CSMD2: variants seen among roughly 807,000 people sequenced by gnomAD.
The protein encoded by CSMD2 is CUB and Sushi multiple domains 2, also known as CUB and sushi domain-containing protein 2.
A neutral mutation model predicts 398.5 loss-of-function variants in CSMD2; 130 were observed. The observed-to-expected ratio is 0.33, with a 90% confidence interval of 0.28 to 0.38. The LOEUF (loss-of-function observed/expected upper bound fraction) is 0.38, where lower values mean the gene tolerates loss of function less well. Among genes scored for constraint, CSMD2 ranks in the 10% least tolerant of loss-of-function variants. CSMD2 has a pLI of 1.00. For synonymous variants in CSMD2, 1,828 were observed against 1,908.5 expected (o/e 0.96, Z 1.10); for missense variants, 3,829 against 4,764.9 (o/e 0.80, Z 5.78).
intron 44 of CSMD2, among the ~76,000 whole-genome samples, chr1:33,593,795 T>C (rs977816258): frequency 2.6e-5 from 4 of 151,894 alleles, no homozygotes. Flanking sequence ...GCTTGCTGTA[T>C]CTTTGTCCCT....
rs144304099 is a variant in CSMD2 at position 33,795,375 on chromosome 1, A to G, written c.1447-2849T>C. Among the ~76,000 whole-genome samples, 42 of 152,218 alleles carry G rather than the reference A, an allele frequency of 2.8e-4. 1 individual carries two copies. The highest frequency in any genetic ancestry group is 9.9e-4 in the African/African-American group (41 of 41,528). Reference sequence around the variant, plus strand: ...TTCCTCAGGCTGGGATCTCCCACCCATCTCTCACACTCCACACTCCTGCTT... The same window carrying G: ...TTCCTCAGGCTGGGATCTCCCACCCGTCTCTCACACTCCACACTCCTGCTT... On this transcript the variant is annotated intron_variant, in intron 10 of 70. Transcript: ENST00000373381.
intron 2 of CSMD2, among the ~76,000 whole-genome samples, chr1:34,060,730 G>T (rs527769109): frequency 2.1e-5 from 3 of 145,916 alleles, no homozygotes; most frequent in East Asian, 4.1e-4. Context: ...CCATATTTTT[G>T]ATCTTTTCAA....
At chr1:33,637,685 A>T (rs2148921256) in intron 29 of CSMD2, among the ~76,000 whole-genome samples, 1 of 152,352 alleles carries the variant, frequency 6.6e-6, no homozygotes, top group East Asian at 1.9e-4. Context: ...AGGGAGATGC[A>T]ACTGAGTATC....
intron 6 of CSMD2, among the ~76,000 whole-genome samples, chr1:33,826,670 G>A (rs527394564): frequency 2.5e-4 from 38 of 152,304 alleles, no homozygotes; most frequent in Non-Finnish European, 4.6e-4. Context: ...TTGCCAAATA[G>A]CACACAAAAG....
At chr1:33,530,961 G>T (rs56055344) in intron 64 of CSMD2, among the ~76,000 whole-genome samples, 478 of 152,238 alleles carry the variant, frequency 3.1e-3, no homozygotes, top group Middle Eastern at 0.01. Flanking sequence ...GGTACTGGGG[G>T]GTTGGAATTG....
intron 1 of CSMD2, among the ~76,000 whole-genome samples, chr1:34,145,705 G>A (rs571313817): frequency 7.9e-5 from 12 of 152,278 alleles, no homozygotes; most frequent in African/African-American, 2.4e-4. Flanking sequence ...AGGTTGTGTC[G>A]AGGAACGGGG....
chr1:33,814,914 C>A (rs1657283903), intron 9 of CSMD2, among the ~76,000 whole-genome samples: 1 of 152,122 alleles, frequency 6.6e-6, no homozygotes, highest in Non-Finnish European at 1.5e-5. Context: ...CGCCTGACCC[C>A]TCTTCCCTCA....
At chr1:33,886,725 C>T (rs999394952) in intron 5 of CSMD2, among the ~76,000 whole-genome samples, 5 of 152,204 alleles carry the variant, frequency 3.3e-5, no homozygotes, top group African/African-American at 1.2e-4. Context: ...AAGGGTTTCC[C>T]CTTGGCAGAC....
At chr1:33,593,751 A>G (rs1461976672) in intron 44 of CSMD2, among the ~76,000 whole-genome samples, 1 of 152,176 alleles carries the variant, frequency 6.6e-6, no homozygotes, top group Non-Finnish European at 1.5e-5. Context: ...ATTACAATTG[A>G]ATGATTTTAT....
At chr1:34,135,938 A>G (rs1211552310) in intron 1 of CSMD2, among the ~76,000 whole-genome samples, 2 of 152,034 alleles carry the variant, frequency 1.3e-5, no homozygotes, top group African/African-American at 2.4e-5. Context: ...TTTTCACCAT[A>G]TGCTCTTCTA....
chr1:33,599,702 G>C (rs1640083204), intron 44 of CSMD2: 1 of 155,574 alleles, frequency 6.4e-6, no homozygotes, highest in African/African-American at 2.4e-5. Flanking sequence ...TGCCCAATGA[G>C]AGGGGCATGG....
intron 3 of CSMD2, among the ~76,000 whole-genome samples, chr1:34,013,231 G>T (rs541142828): frequency 6.6e-6 from 1 of 152,242 alleles, no homozygotes; most frequent in East Asian, 1.9e-4. Flanking sequence ...TCAATCCATC[G>T]TTCCCTGGGC....
chr1:33,809,907 A>G (rs1656662625), intron 10 of CSMD2, among the ~76,000 whole-genome samples: 1 of 152,136 alleles, frequency 6.6e-6, no homozygotes, highest in Admixed American at 6.5e-5. Context: ...TTGATTTATA[A>G]TAGCAACGAT....
intron 5 of CSMD2, among the ~76,000 whole-genome samples, chr1:33,874,142 C>G (rs1570356931): frequency 6.6e-6 from 1 of 152,336 alleles, no homozygotes; most frequent in East Asian, 1.9e-4. Flanking sequence ...GGGAAGGGAT[C>G]TTGCCTTATT....
intron 4 of CSMD2, among the ~76,000 whole-genome samples, chr1:33,921,881 C>T (rs891846060): frequency 1.3e-5 from 2 of 152,078 alleles, no homozygotes; most frequent in African/African-American, 4.8e-5. Context: ...GGGAAGGTTG[C>T]CGGTGGGGAG....
At chr1:34,116,116 G>T (rs897229442) in intron 1 of CSMD2, among the ~76,000 whole-genome samples, 2 of 151,956 alleles carry the variant, frequency 1.3e-5, no homozygotes, top group African/African-American at 4.8e-5. Flanking sequence ...AATTACTTTC[G>T]ATGTAAATGG....
At chr1:33,535,147 G>T (rs1032282445) in intron 62 of CSMD2, among the ~76,000 whole-genome samples, 4 of 152,036 alleles carry the variant, frequency 2.6e-5, no homozygotes, top group African/African-American at 9.7e-5. Flanking sequence ...TGTGATATCC[G>T]ACATACACAA....
intron 19 of CSMD2, among the ~76,000 whole-genome samples, chr1:33,721,921 C>T (rs1646370896): frequency 6.6e-6 from 1 of 152,176 alleles, no homozygotes; most frequent in Admixed American, 6.5e-5. Flanking sequence ...AGGCTGTTTT[C>T]TATGCAAACA....
chr1:34,062,131 C>T (rs532191815), intron 2 of CSMD2, among the ~76,000 whole-genome samples: 1 of 152,278 alleles, frequency 6.6e-6, no homozygotes, highest in East Asian at 1.9e-4. Context: ...TCTTTATGAA[C>T]TTGGTGAATA....
Sources: allele counts gnomAD v4.1 joint callset (sites outside exome capture counted in the v4.1 genomes callset), GRCh38; gene constraint gnomAD v4.1.1; transcripts MANE v1.5; gene names NCBI Gene and HGNC (gene_info 2026-07-23, HGNC 2026-07-21).